The following SHLD1 variants were observed in gnomAD, a reference collection of about 807,000 sequenced individuals.
SHLD1 encodes shieldin complex subunit 1.
A neutral mutation model predicts 5.5 loss-of-function variants in SHLD1; 3 were observed. The observed-to-expected ratio is 0.54, with a 90% CI of 0.25 to 1.40. The LOEUF (loss-of-function observed/expected upper bound fraction) is 1.40. Ranked by LOEUF, SHLD1 falls within the 40% of genes most tolerant of loss-of-function variation. The probability of loss-of-function intolerance (pLI) is 0.15; values close to 1 mark genes in which losing one functional copy is unlikely to be tolerated. For synonymous variants in SHLD1, 92 were observed against 94.3 expected, an observed-to-expected ratio of 0.98 and a Z score of 0.14; for missense variants, 210 against 244.4, an observed-to-expected ratio of 0.86 and a Z score of 0.94.
chr20:5,786,894 AGATCATTT>A (rs111913613), intron 2 of SHLD1, among the ~76,000 whole-genome samples: 135,920 of 151,860 alleles, frequency 0.9, 60,922 homozygotes, highest in East Asian at 1. Context: ...TTCTCAAGCC[AGATCATTT>A]GATCATTTGT....
At chr20:5,769,282 C>T (rs938471630) in intron 1 of SHLD1, among the ~76,000 whole-genome samples, 1 of 152,182 alleles carries the variant, frequency 6.6e-6, no homozygotes, top group African/African-American at 2.4e-5. Context: ...CTGATTGAAC[C>T]ATTCCCTTTT....
intron 2 of SHLD1, among the ~76,000 whole-genome samples, chr20:5,830,086 C>A (rs1391244242): frequency 6.6e-6 from 1 of 152,148 alleles, no homozygotes; most frequent in Non-Finnish European, 1.5e-5. Context: ...TTTGCAGTTT[C>A]TTCAAAAGTG....
chr20:5,825,954 A>C (rs943605540), intron 2 of SHLD1, among the ~76,000 whole-genome samples: 6 of 152,068 alleles, frequency 3.9e-5, no homozygotes, highest in African/African-American at 1.4e-4. Context: ...TTTCTGGACC[A>C]CTCAGGGTTG....
chr20:5,817,414 CTCTCTCTCTCTCTCTCTCTGTGTGTG>C (rs1394099379), intron 2 of SHLD1, among the ~76,000 whole-genome samples: 4 of 136,026 alleles, frequency 2.9e-5, no homozygotes, highest in African/African-American at 1.2e-4. Context: ...CTCTCTCTCT[CTCTCTCTCTCTCTCTCTCTGTGTGTG>C]TGTGTGTGTG....
chr20:5,800,666 C>T (rs935969874), intron 2 of SHLD1, among the ~76,000 whole-genome samples: 22 of 142,936 alleles, frequency 1.5e-4, no homozygotes, highest in Middle Eastern at 3.3e-3. Context: ...CCAGCCTGGG[C>T]AACAGACCGA....
intron 2 of SHLD1, among the ~76,000 whole-genome samples, chr20:5,820,453 C>T (rs567188616): frequency 6.6e-6 from 1 of 152,190 alleles, no homozygotes; most frequent in Non-Finnish European, 1.5e-5. Context: ...ACTGTGCTAG[C>T]CCCTGGGGAT....
intron 2 of SHLD1, among the ~76,000 whole-genome samples, chr20:5,852,547 T>G (rs1629520): frequency 0.33 from 50,623 of 151,946 alleles, 9,978 homozygotes; most frequent in African/African-American, 0.54. Flanking sequence ...CCTCCTGGGT[T>G]CAAGACAGTC....
At chr20:5,834,401 A>C (rs2087765885) in intron 2 of SHLD1, among the ~76,000 whole-genome samples, 1 of 152,186 alleles carries the variant, frequency 6.6e-6, no homozygotes, top group Non-Finnish European at 1.5e-5. Flanking sequence ...ATAGGCAAAA[A>C]ATGCTACAAA....
chr20:5,757,730 G>A (rs111439079), intron 1 of SHLD1, among the ~76,000 whole-genome samples: 49,921 of 151,878 alleles, frequency 0.33, 8,947 homozygotes, highest in Non-Finnish European at 0.4. Context: ...AGCCCCCCGA[G>A]TACCTGGGAT....
chr20:5,767,805 A>G (rs933225557), intron 1 of SHLD1, among the ~76,000 whole-genome samples: 7 of 152,142 alleles, frequency 4.6e-5, no homozygotes, highest in Non-Finnish European at 1.0e-4. Context: ...TGCTGAATCC[A>G]CTAAGCCACC....
chr20:5,770,454 C>T (rs970417390), intron 1 of SHLD1, among the ~76,000 whole-genome samples: 1 of 152,168 alleles, frequency 6.6e-6, no homozygotes, highest in Non-Finnish European at 1.5e-5. Flanking sequence ...TCCAGTTCCT[C>T]ATTTGCTAAC....
At chr20:5,800,510 A>G (rs981947703) in intron 2 of SHLD1, among the ~76,000 whole-genome samples, 1 of 152,198 alleles carries the variant, frequency 6.6e-6, no homozygotes, top group Admixed American at 6.5e-5. Flanking sequence ...CCTGGCCAAC[A>G]TGATGAAACC....
chr20:5,775,922 G>GTTTTTTTTTTTTTTTT (rs1391999872), intron 2 of SHLD1, among the ~76,000 whole-genome samples: 6 of 63,468 alleles, frequency 9.5e-5, no homozygotes, highest in South Asian at 4.3e-4. Flanking sequence ...GTCAGCTCAG[G>GTTTTTTTTTTTTTTTT]ATTTTTTTTT....
intron 2 of SHLD1, among the ~76,000 whole-genome samples, chr20:5,830,825 G>C (rs1184309126): frequency 6.6e-6 from 1 of 151,960 alleles, no homozygotes; most frequent in African/African-American, 2.4e-5. Context: ...TGATTATACT[G>C]GGTATATTCA....
chr20:5,762,436 A>T (rs1984519415), intron 1 of SHLD1, among the ~76,000 whole-genome samples: 1 of 152,138 alleles, frequency 6.6e-6, no homozygotes, highest in Non-Finnish European at 1.5e-5. Context: ...CTGGGAATCC[A>T]GCCATACTCT....
intron 2 of SHLD1, among the ~76,000 whole-genome samples, chr20:5,817,325 G>A (rs2087542342): frequency 2.0e-5 from 3 of 151,334 alleles, no homozygotes; most frequent in African/African-American, 7.3e-5. Flanking sequence ...GTTTGTTATG[G>A]CAGGCAGTTA....
intron 1 of SHLD1, among the ~76,000 whole-genome samples, chr20:5,754,781 C>T (rs762824618): frequency 3.9e-5 from 6 of 152,144 alleles, no homozygotes; most frequent in Non-Finnish European, 5.9e-5. Context: ...TTGGGCCGGG[C>T]GTGGTGGCTC....
chr20:5,842,432 C>T (rs767014476), intron 2 of SHLD1, among the ~76,000 whole-genome samples: 3 of 152,194 alleles, frequency 2.0e-5, no homozygotes, highest in Non-Finnish European at 2.9e-5. Flanking sequence ...ATTGCCTGCA[C>T]GTCCCTAAGT....
chr20:5,793,504 A>G (rs1292920281), intron 2 of SHLD1, among the ~76,000 whole-genome samples: 4 of 152,184 alleles, frequency 2.6e-5, no homozygotes, highest in African/African-American at 9.7e-5. Flanking sequence ...TTATCAATCA[A>G]TGCTTCTGCT....
Sources: allele counts gnomAD v4.1 joint callset (sites outside exome capture counted in the v4.1 genomes callset), GRCh38; gene constraint gnomAD v4.1.1; transcripts MANE v1.5; gene names NCBI Gene and HGNC (gene_info 2026-07-23, HGNC 2026-07-21).